The following ATP6V1C1 variants were observed in gnomAD, a reference collection of about 807,000 sequenced individuals.
ATP6V1C1 encodes V-type proton ATPase subunit C 1.
A neutral mutation model predicts 53.9 loss-of-function variants in ATP6V1C1; 45 were observed. The ratio of observed to expected loss-of-function variants is 0.83; its 90% CI spans 0.66 to 1.07. The LOEUF is 1.07. Among genes scored for constraint, ATP6V1C1 ranks in the 50% least tolerant of loss-of-function variants. ATP6V1C1 has a pLI of 0.00. For synonymous variants in ATP6V1C1, 153 were observed against 155.2 expected (o/e 0.99, Z 0.11); for missense variants, 315 against 440.3 (o/e 0.72, Z 2.55).
In ATP6V1C1 at chr8:103,050,364, T is replaced by G. The variant is rs184119434; in HGVS notation, c.287-686T>G. On this transcript the variant is annotated intron_variant, in intron 4 of 12. Coordinates refer to ENST00000518738, the MANE Select transcript of ATP6V1C1 (RefSeq NM_001695.5). ...GTTGCTTTTGGAAATACCATCCGTG[T>G]TGTTGACTGACTGGTATTATGTAAG... Among the ~76,000 whole-genome samples, 3 of 152,340 alleles carry G rather than the reference T, an allele frequency of 2.0e-5. No homozygotes were observed. The East Asian group carries it at 5.8e-4, about 29-fold the overall frequency.
chr8:103,041,715 T>TA (rs1817004069), intron 2 of ATP6V1C1, among the ~76,000 whole-genome samples: 1 of 151,828 alleles, frequency 6.6e-6, no homozygotes, highest in Non-Finnish European at 1.5e-5. Context: ...CTACTAAAAA[T>TA]ACAAAAATTA....
At chr8:103,067,617 T>C (rs71506357) in intron 12 of ATP6V1C1, among the ~76,000 whole-genome samples, 31,769 of 144,100 alleles carry the variant, frequency 0.22, 3,399 homozygotes, top group Middle Eastern at 0.28. Flanking sequence ...TTTTTTTTTT[T>C]CGAGATGGAG....
chr8:103,054,275 G>C (rs1286416714), intron 7 of ATP6V1C1, among the ~76,000 whole-genome samples: 1 of 151,950 alleles, frequency 6.6e-6, no homozygotes, highest in Non-Finnish European at 1.5e-5. Flanking sequence ...AAAAAATACA[G>C]ATTTTAGATT....
At chr8:103,053,341 C>T (rs1817233034) in intron 6 of ATP6V1C1, among the ~76,000 whole-genome samples, 1 of 151,926 alleles carries the variant, frequency 6.6e-6, no homozygotes, top group Non-Finnish European at 1.5e-5. Flanking sequence ...GTTGTGCCTT[C>T]ATATCCTAGA....
intron 1 of ATP6V1C1, among the ~76,000 whole-genome samples, chr8:103,037,112 C>T (rs1183589933): frequency 6.6e-6 from 1 of 152,006 alleles, no homozygotes; most frequent in African/African-American, 2.4e-5. Flanking sequence ...AAGCAACCGG[C>T]GATAGGTGGT....
At position 103,040,938 on chromosome 8, in the gene ATP6V1C1, C is replaced by T. The variant is rs148387315; in HGVS notation, c.102C>T (p.Val34=). ...AATSKNNNLA[V]TSKFNIPDLK... is the part of the protein sequence containing the mutation. ...CTTCAAAGAACAATAATCTTGCTGT[C>T]ACTTCCAAGTTCAATATTCCTGACT... is the stretch of plus-strand genomic sequence containing the variant. Residue 34 remains valine (V), a synonymous_variant, in exon 2 of 13, where the codon GTC becomes GTT. Transcript: ENST00000518738. 4.2e-4 allele frequency: 670 copies of T among 1,614,060 alleles called. No homozygotes were observed. Among genetic ancestry groups the T allele is most frequent in the Non-Finnish European group, 5.4e-4 (637 of 1,179,962 alleles).
rs1817573267 is a variant in ATP6V1C1 at position 103,070,760 on chromosome 8, C to G, written c.*2013C>G. ...ACGGGACTTTCACTGTGATTTCCAC[C>G]AGAGAAATTATAGCAGAGTGGCTGA... is the stretch of plus-strand genomic sequence containing the variant. On this transcript the variant is annotated 3_prime_UTR_variant, in exon 13 of 13. Coordinates refer to ENST00000518738, the MANE Select transcript of ATP6V1C1 (RefSeq NM_001695.5). The G allele has an allele frequency of 5.3e-5, 8 of 152,228 alleles. No homozygotes were observed. Among genetic ancestry groups the G allele is most frequent in the Admixed American group, 4.6e-4 (7 of 15,272 alleles). 9.4% of individuals were successfully genotyped at this position (152,228 alleles called of 1,614,324 possible).
At chr8:103,041,092 A>G (rs1208647805) in intron 2 of ATP6V1C1, 124 bp downstream of exon 2, 5 of 1,083,536 alleles carry the variant, frequency 4.6e-6, no homozygotes, top group South Asian at 2.5e-5. Flanking sequence ...AGCCATTGGC[A>G]TGATTTAAAA....
At chr8:103,056,428 A>G (rs1047850803) in intron 8 of ATP6V1C1, among the ~76,000 whole-genome samples, 1 of 152,186 alleles carries the variant, frequency 6.6e-6, no homozygotes, top group South Asian at 2.1e-4. Flanking sequence ...CCTTTTATTT[A>G]AAAAACAAAC....
At chr8:103,066,614 C>A (rs1817495814) in intron 12 of ATP6V1C1, among the ~76,000 whole-genome samples, 167 bp downstream of exon 12, 1 of 151,704 alleles carries the variant, frequency 6.6e-6, no homozygotes, top group African/African-American at 2.4e-5. Context: ...CATTGTTTAC[C>A]CTGTTTTATA....
intron 1 of ATP6V1C1, among the ~76,000 whole-genome samples, chr8:103,025,242 A>G (rs916945462): frequency 6.6e-6 from 1 of 152,248 alleles, no homozygotes; most frequent in South Asian, 2.1e-4. Context: ...GAATCAGCCC[A>G]TAGTTTAGTG....
rs1258780637 is a variant in ATP6V1C1, at chr8:103,072,344, G to C, written c.*3597G>C. ...AGGTTTTTCTCCTTCATTCTCAGCTGTCGAAGAAATCAAAGTAGCATATGC... is the reference window on the plus strand; with the variant it reads ...AGGTTTTTCTCCTTCATTCTCAGCTCTCGAAGAAATCAAAGTAGCATATGC... On this transcript the variant is annotated 3_prime_UTR_variant, in exon 13 of 13. Coordinates refer to ENST00000518738, the MANE Select transcript of ATP6V1C1 (RefSeq NM_001695.5). The C allele has an allele frequency of 6.6e-6, 1 of 152,156 alleles. No homozygotes were observed. The highest frequency in any genetic ancestry group is 1.5e-5 in the Non-Finnish European group (1 of 68,034). The allele number at this position is 152,156 out of a possible 1,614,324, so 9.4% of individuals were successfully genotyped here.
At chr8:103,052,234 C>T (rs1586321223) in intron 5 of ATP6V1C1, among the ~76,000 whole-genome samples, 1 of 152,150 alleles carries the variant, frequency 6.6e-6, no homozygotes, top group South Asian at 2.1e-4. Flanking sequence ...CACATTTTCT[C>T]CCCATGTAGT....
chr8:103,064,795 G>A lies in ATP6V1C1; in HGVS notation c.910G>A (p.Val304Ile), dbSNP rs150964904. Residue 304 changes from valine (V) to isoleucine (I), a missense_variant, in exon 11 of 13, where the codon GTT (valine) becomes ATT (isoleucine). By Grantham distance (29) the Val-to-Ile change is conservative (BLOSUM62 3). Coordinates refer to ENST00000518738, the MANE Select transcript of ATP6V1C1 (RefSeq NM_001695.5). ...WIHVKALRVF[V>I]ESVLRYGLPV... ...TCACGTGAAAGCATTACGGGTTTTC[G>A]TTGAGTCTGTTTTAAGGTAAAGCAA... is the stretch of plus-strand genomic sequence containing the variant. The A allele has an allele frequency of 1.6e-5, 26 of 1,612,348 alleles. No individual in the cohort carries two copies. Among genetic ancestry groups the A allele is most frequent in the African/African-American group, 1.1e-4 (8 of 74,836 alleles).
intron 1 of ATP6V1C1, among the ~76,000 whole-genome samples, chr8:103,037,352 A>ATT (rs1487174432): frequency 1.8e-4 from 27 of 152,042 alleles, no homozygotes; most frequent in African/African-American, 6.0e-4. Context: ...AATAAAAATA[A>ATT]TTAAAAAAAA....
At chr8:103,058,336 A>G (rs139771478) in intron 8 of ATP6V1C1, among the ~76,000 whole-genome samples, 1 of 152,342 alleles carries the variant, frequency 6.6e-6, no homozygotes, top group African/African-American at 2.4e-5. Context: ...TACATTTGGA[A>G]TCACTGACTC....
chr8:103,042,509 A>G (rs1817019408), intron 3 of ATP6V1C1, 102 bp downstream of exon 3: 1 of 1,205,726 alleles, frequency 8.3e-7, no homozygotes, highest in Non-Finnish European at 1.2e-6. Context: ...GCTTATTGGA[A>G]TGGTTTTAGA....
intron 4 of ATP6V1C1, among the ~76,000 whole-genome samples, chr8:103,050,306 G>C (rs1039793389): frequency 1.3e-5 from 2 of 152,212 alleles, no homozygotes; most frequent in African/African-American, 4.8e-5. Flanking sequence ...GTGGAATGGT[G>C]GTTGACCAAG....
At chr8:103,064,891 C>A in intron 11 of ATP6V1C1, 80 bp downstream of exon 11, 3 of 1,226,934 alleles carry the variant, frequency 2.4e-6, no homozygotes, top group South Asian at 1.5e-5. Flanking sequence ...ATAACACAGT[C>A]CAGCAATAGG....
Sources: gnomAD v4.1 joint callset for allele counts (sites outside exome capture counted in the v4.1 genomes callset) on GRCh38, gnomAD v4.1.1 for gene constraint, MANE v1.5 for transcripts, NCBI Gene and HGNC (gene_info 2026-07-23, HGNC 2026-07-21) for gene names.